The following PCDH11X variants were observed in gnomAD, a reference collection of about 807,000 sequenced individuals.
The protein encoded by PCDH11X is protocadherin-11 X-linked.
PCDH11X carries 18 observed loss-of-function variants against 53.3 expected under a neutral mutation model. The observed-to-expected ratio is 0.34, with a 90% confidence interval of 0.23 to 0.50. The LOEUF (loss-of-function observed/expected upper bound fraction) is 0.50, where lower values mean the gene tolerates loss of function less well. Ranked by LOEUF, PCDH11X falls within the 20% of genes least tolerant of loss-of-function variation. The probability of loss-of-function intolerance (pLI) is 0.98; values close to 1 mark genes in which losing one functional copy is unlikely to be tolerated. For synonymous variants in PCDH11X, 279 were observed against 393.3 expected, an observed-to-expected ratio of 0.71 and a Z score of 3.44; for missense variants, 570 against 1,032.4, an observed-to-expected ratio of 0.55 and a Z score of 6.14.
chrX:92,271,980 G>A (rs893937570), intron 8 of PCDH11X, among the ~76,000 whole-genome samples: 3 of 111,997 alleles, frequency 2.7e-5, no homozygotes, highest in African/African-American at 9.7e-5. Flanking sequence ...GACTCATGGA[G>A]GCGGATGAAA....
intron 8 of PCDH11X, among the ~76,000 whole-genome samples, chrX:92,280,728 T>C (rs2068232218): frequency 9.1e-6 from 1 of 109,432 alleles, no homozygotes. Flanking sequence ...GAGGAAACAA[T>C]TGAGTTACTT....
At chrX:92,510,166 A>G (rs1247121774) in intron 10 of PCDH11X, among the ~76,000 whole-genome samples, 1 of 106,475 alleles carries the variant, frequency 9.4e-6, no homozygotes, top group Non-Finnish European at 2.0e-5. Flanking sequence ...TGTAGTTGAA[A>G]TTTATAACTT....
chrX:91,864,818 G>GTA (rs1369943098), intron 5 of PCDH11X, among the ~76,000 whole-genome samples: 2 of 111,669 alleles, frequency 1.8e-5, no homozygotes, highest in East Asian at 5.7e-4. Context: ...ACATTCTTCA[G>GTA]TATATCTATT....
chrX:92,390,168 T>G (rs771815890), intron 9 of PCDH11X, among the ~76,000 whole-genome samples: 40 of 110,770 alleles, frequency 3.6e-4, no homozygotes, highest in African/African-American at 1.3e-3. Flanking sequence ...TGTTATTTTT[T>G]TACTATGAAT....
rs200207275 is a variant in PCDH11X at position 92,132,637 on chromosome X, A to G, written c.3034-68738A>G. On this transcript the variant is annotated intron_variant, in intron 6 of 10. Coordinates refer to ENST00000682573, the MANE Select transcript of PCDH11X (RefSeq NM_032968.5). The stretch of plus-strand genomic sequence containing the variant: ...GAAAAAAAGAAATATATATATATGT[A>G]TATATATATATATATATATGTATAT... 8.9e-4 allele frequency among the ~76,000 whole-genome samples: 48 copies of G among 54,180 alleles called. No homozygotes were observed. The East Asian group carries it at 9.8e-3, about 11-fold the overall frequency. 47.0% of individuals were successfully genotyped at this position (54,180 alleles called of 115,157 possible). A position where few individuals can be genotyped will look rare whatever the true frequency, so the allele number is the denominator to read the frequency against.
At chrX:91,987,969 T>C (rs2062253950) in intron 6 of PCDH11X, among the ~76,000 whole-genome samples, 1 of 110,803 alleles carries the variant, frequency 9.0e-6, no homozygotes, top group Non-Finnish European at 1.9e-5. Context: ...ATGGCACTTT[T>C]GTTGTTGTTT....
chrX:92,464,798 G>A (rs1416167254), intron 9 of PCDH11X, among the ~76,000 whole-genome samples: 10 of 107,062 alleles, frequency 9.3e-5, no homozygotes, highest in African/African-American at 3.4e-4. Flanking sequence ...AATCTTTTTT[G>A]CATATTTTGT....
chrX:92,124,409 G>T (rs1234691765), intron 6 of PCDH11X, among the ~76,000 whole-genome samples: 3 of 110,016 alleles, frequency 2.7e-5, no homozygotes, highest in Non-Finnish European at 5.7e-5. Flanking sequence ...GCTGGACGTG[G>T]TGGTGCATAC....
At chrX:92,360,334 A>C (rs1439040661) in intron 8 of PCDH11X, among the ~76,000 whole-genome samples, 1 of 111,336 alleles carries the variant, frequency 9.0e-6, no homozygotes, top group East Asian at 2.8e-4. Flanking sequence ...AAATCATTTT[A>C]GGGTGATAGC....
intron 6 of PCDH11X, among the ~76,000 whole-genome samples, chrX:91,935,677 A>T: frequency 9.1e-6 from 1 of 110,146 alleles, no homozygotes; most frequent in East Asian, 2.9e-4. Context: ...CCCCAATGAC[A>T]TAGACTCAGG....
intron 9 of PCDH11X, among the ~76,000 whole-genome samples, chrX:92,394,690 T>A (rs2071205522): frequency 1.8e-5 from 2 of 112,155 alleles, no homozygotes; most frequent in Non-Finnish European, 3.8e-5. Flanking sequence ...TGAAGTTCTT[T>A]GAAAGTCAGT....
Position 92,221,461 on chromosome X carries a change from A to G in PCDH11X, c.3114+20006A>G, listed in dbSNP as rs545514618. Among the ~76,000 whole-genome samples, 14 of 110,648 alleles carry G rather than the reference A, an allele frequency of 1.3e-4. No individual in the cohort carries two copies. In the South Asian group the frequency reaches 5.4e-3, roughly 43 times the overall value. On this transcript the variant is annotated intron_variant, in intron 7 of 10. Transcript: ENST00000682573. ...GAGGAAGGCTAGATAAAGGCCAGAGACATTATATGTCTGTGCCTCTTTGTT... is the reference window on the plus strand; with the variant it reads ...GAGGAAGGCTAGATAAAGGCCAGAGGCATTATATGTCTGTGCCTCTTTGTT...
chrX:91,799,338 C>T lies in PCDH11X; in HGVS notation c.-378-10128C>T, dbSNP rs766949467. On this transcript the variant is annotated intron_variant, in intron 1 of 10. Coordinates refer to ENST00000682573, the MANE Select transcript of PCDH11X (RefSeq NM_032968.5). ...ATACCTAATTCTGTTAAGTAAAAGA[C>T]CACATGTCTATTGAGGAATTGTACT... is the stretch of plus-strand genomic sequence containing the variant. Among the ~76,000 whole-genome samples the T allele has an allele frequency of 4.6e-4, 51 of 111,370 alleles. No individual in the cohort carries two copies. The South Asian group carries it at 7.6e-3, about 16-fold the overall frequency.
At chrX:92,392,102 C>G (rs1027582617) in intron 9 of PCDH11X, among the ~76,000 whole-genome samples, 12 of 110,805 alleles carry the variant, frequency 1.1e-4, no homozygotes, top group African/African-American at 3.9e-4. Flanking sequence ...AATGTTATAG[C>G]TGGTCTAGTG....
At chrX:92,353,417 A>G (rs1394696020) in intron 8 of PCDH11X, among the ~76,000 whole-genome samples, 3 of 111,309 alleles carry the variant, frequency 2.7e-5, no homozygotes. Context: ...CTAATCAGAT[A>G]TATCTGTTTC....
intron 6 of PCDH11X, among the ~76,000 whole-genome samples, chrX:92,082,412 A>C (rs1762599341): frequency 9.0e-6 from 1 of 110,962 alleles, no homozygotes. Flanking sequence ...ATGTCACCGA[A>C]ATGAAGTGAA....
intron 6 of PCDH11X, among the ~76,000 whole-genome samples, chrX:92,022,493 A>G (rs745980029): frequency 2.8e-5 from 3 of 107,549 alleles, no homozygotes; most frequent in African/African-American, 1.0e-4. Context: ...TCCTAAATAT[A>G]TATGCACCCA....
At chrX:92,135,457 A>G (rs1358222612) in intron 6 of PCDH11X, among the ~76,000 whole-genome samples, 2 of 110,838 alleles carry the variant, frequency 1.8e-5, no homozygotes, top group East Asian at 5.7e-4. Context: ...GATTTTGTAC[A>G]GTAAAAGATT....
chrX:92,046,472 T>A (rs1201783141), intron 6 of PCDH11X, among the ~76,000 whole-genome samples: 2 of 111,608 alleles, frequency 1.8e-5, no homozygotes, highest in Admixed American at 1.9e-4. Context: ...CAAAATATAA[T>A]CTTTGGAAGG....
Sources: gnomAD v4.1 joint callset for allele counts (sites outside exome capture counted in the v4.1 genomes callset) on GRCh38, gnomAD v4.1.1 for gene constraint, MANE v1.5 for transcripts, NCBI Gene and HGNC (gene_info 2026-07-23, HGNC 2026-07-21) for gene names.